Variants in SELENOI observed in about 807,000 individuals in gnomAD.
SELENOI encodes the protein ethanolaminephosphotransferase 1.
SELENOI carries 24 observed loss-of-function variants against 50.7 expected under a neutral mutation model. That is an observed-to-expected ratio of 0.47 (90% CI 0.34 to 0.67). The LOEUF (loss-of-function observed/expected upper bound fraction) is 0.67, where lower values mean the gene tolerates loss of function less well. Ranked by LOEUF, SELENOI falls within the 30% of genes least tolerant of loss-of-function variation. SELENOI has a pLI of 0.01. For synonymous variants in SELENOI, 155 were observed against 170.2 expected, an observed-to-expected ratio of 0.91 and a Z score of 0.70; for missense variants, 352 against 461.4, an observed-to-expected ratio of 0.76 and a Z score of 2.17.
chr2:26,381,983 G>T (rs1050104095), intron 6 of SELENOI, among the ~76,000 whole-genome samples: 1 of 152,188 alleles, frequency 6.6e-6, no homozygotes, highest in Non-Finnish European at 1.5e-5. Context: ...ACATCCAAAT[G>T]AAGTGCCCAG....
At chr2:26,383,507 G>A (rs1215823094) in intron 7 of SELENOI, among the ~76,000 whole-genome samples, 160 bp downstream of exon 7, 2 of 152,100 alleles carry the variant, frequency 1.3e-5, no homozygotes, top group Non-Finnish European at 2.9e-5. Context: ...TTAGGGTGTC[G>A]ATGGTGGCTA....
intron 6 of SELENOI, among the ~76,000 whole-genome samples, chr2:26,379,156 C>T (rs1368754104): frequency 5.9e-5 from 9 of 152,162 alleles, no homozygotes; most frequent in East Asian, 3.9e-4. Context: ...CCCAGCTACT[C>T]GGGAGGCTGA....
chr2:26,387,629 G>A (rs774803900), intron 9 of SELENOI, among the ~76,000 whole-genome samples: 7 of 150,048 alleles, frequency 4.7e-5, no homozygotes, highest in African/African-American at 1.5e-4. Context: ...CCAGGAGGTC[G>A]GGGCTACAGT....
chr2:26,387,420 G>A (rs1677866119), intron 9 of SELENOI, among the ~76,000 whole-genome samples: 1 of 152,110 alleles, frequency 6.6e-6, no homozygotes, highest in Non-Finnish European at 1.5e-5. Flanking sequence ...GCTGGGTGTG[G>A]TGGCTCATGC....
chr2:26,363,806 G>A (rs143228555), intron 1 of SELENOI, among the ~76,000 whole-genome samples: 2 of 151,952 alleles, frequency 1.3e-5, no homozygotes, highest in Non-Finnish European at 1.5e-5. Flanking sequence ...TTGCTTTGTC[G>A]CCCAGGCTGG....
At chr2:26,388,187 A>G (rs1677886490) in intron 9 of SELENOI, among the ~76,000 whole-genome samples, 1 of 152,206 alleles carries the variant, frequency 6.6e-6, no homozygotes, top group Admixed American at 6.5e-5. Context: ...CTGATATTTC[A>G]TCAATATATG....
In SELENOI at chr2:26,390,835, C is replaced by G. The variant is rs566839636; in HGVS notation, c.*1732C>G. ...AGTGACGGTAACTATTTTTTGTATACCTTGTTCTTTGTGATCTATAAAATT... is the reference window on the plus strand; with the variant it reads ...AGTGACGGTAACTATTTTTTGTATAGCTTGTTCTTTGTGATCTATAAAATT... On this transcript the variant is annotated 3_prime_UTR_variant, in exon 10 of 10. Coordinates refer to ENST00000260585, the MANE Select transcript of SELENOI (RefSeq NM_033505.4). The G allele has an allele frequency of 6.6e-6, 1 of 152,190 alleles. No homozygotes were observed. Among genetic ancestry groups the G allele is most frequent in the Admixed American group, 6.5e-5 (1 of 15,284 alleles). The allele number at this position is 152,190 out of a possible 1,614,324, so 9.4% of individuals were successfully genotyped here.
intron 1 of SELENOI, 69 bp from the exon 2 acceptor site, chr2:26,364,233 T>C (rs1028734581): frequency 3.5e-6 from 4 of 1,151,428 alleles, no homozygotes; most frequent in Admixed American, 2.1e-5. Context: ...TATTTTCACC[T>C]AAGAAATGTT....
chr2:26,352,411 A>G (rs1175149823), intron 1 of SELENOI, among the ~76,000 whole-genome samples: 3 of 152,228 alleles, frequency 2.0e-5, no homozygotes, highest in Non-Finnish European at 4.4e-5. Flanking sequence ...CTAAAGATAG[A>G]CGTCAAAACA....
chr2:26,383,196 C>A, intron 6 of SELENOI, 103 bp from the exon 7 acceptor site: 1 of 669,590 alleles, frequency 1.5e-6, no homozygotes. Flanking sequence ...TAAACTTGAA[C>A]CTGAAATTTT....
chr2:26,357,806 T>C (rs181346268), intron 1 of SELENOI, among the ~76,000 whole-genome samples: 6 of 152,324 alleles, frequency 3.9e-5, no homozygotes, highest in African/African-American at 9.6e-5. Context: ...GTTGCTGATA[T>C]GCTTTGGCTG....
intron 6 of SELENOI, among the ~76,000 whole-genome samples, chr2:26,382,873 A>AT (rs895859220): frequency 6.6e-6 from 1 of 152,086 alleles, no homozygotes; most frequent in Non-Finnish European, 1.5e-5. Context: ...AAGCAACAGG[A>AT]TTCCCCCTTT....
At chr2:26,380,695 T>C (rs1677672504) in intron 6 of SELENOI, among the ~76,000 whole-genome samples, 1 of 152,176 alleles carries the variant, frequency 6.6e-6, no homozygotes, top group Non-Finnish European at 1.5e-5. Flanking sequence ...TTGCTTAAAA[T>C]TACCATATTC....
intron 1 of SELENOI, among the ~76,000 whole-genome samples, chr2:26,357,027 A>T (rs1431768403): frequency 1.3e-5 from 2 of 152,100 alleles, no homozygotes; most frequent in African/African-American, 4.8e-5. Context: ...TAAAAATTAC[A>T]TATAAATACT....
intron 1 of SELENOI, 71 bp downstream of exon 1, chr2:26,346,360 C>A: frequency 6.6e-7 from 1 of 1,506,662 alleles, no homozygotes. Flanking sequence ...GCCCGCGCGG[C>A]GCGGTCCGTG....
At position 26,391,022 on chromosome 2, in the gene SELENOI, C is replaced by T. The variant is rs1037001274; in HGVS notation, c.*1919C>T. The stretch of plus-strand genomic sequence containing the variant: ...TATTTATAAAATGACAAACTTGGAC[C>T]ACAGGCTTTCTTGACCTTGTACAGT... On this transcript the variant is annotated 3_prime_UTR_variant, in exon 10 of 10. Coordinates refer to ENST00000260585, the MANE Select transcript of SELENOI (RefSeq NM_033505.4). The T allele has an allele frequency of 5.3e-5, 8 of 152,200 alleles. 1 individual carries two copies. Among genetic ancestry groups the T allele is most frequent in the African/African-American group, 1.9e-4 (8 of 41,540 alleles). The allele number at this position is 152,200 out of a possible 1,614,324, so 9.4% of individuals were successfully genotyped here.
intron 4 of SELENOI, among the ~76,000 whole-genome samples, chr2:26,371,339 G>A (rs1467325479): frequency 2.0e-5 from 3 of 151,912 alleles, no homozygotes; most frequent in South Asian, 2.1e-4. Flanking sequence ...ATCCCAGACG[G>A]GGCGGCGGGG....
rs1380143990 is a variant in SELENOI at position 26,390,245 on chromosome 2, A to G, written c.*1142A>G. The G allele has an allele frequency of 6.6e-6, 1 of 152,246 alleles. No homozygotes were observed. The highest frequency in any genetic ancestry group is 1.5e-5 in the Non-Finnish European group (1 of 67,976). The allele number at this position is 152,246 out of a possible 1,614,324, so 9.4% of individuals were successfully genotyped here. Reference sequence around the variant, plus strand: ...CAAACATAAAAATCCCTTTAATTGTAGTGTAGTTGTTCTATAAACCATATT... The same window carrying G: ...CAAACATAAAAATCCCTTTAATTGTGGTGTAGTTGTTCTATAAACCATATT... On this transcript the variant is annotated 3_prime_UTR_variant, in exon 10 of 10. Coordinates refer to ENST00000260585, the MANE Select transcript of SELENOI (RefSeq NM_033505.4).
chr2:26,384,963 T>C lies in SELENOI; in HGVS notation c.736T>C (p.Tyr246His). The change falls in exon 8 of 10, where the codon TAT becomes CAT. Residue 246 changes from tyrosine to histidine, a missense_variant. Tyr to His is a moderately conservative substitution (Grantham distance 83). Coordinates refer to ENST00000260585, the MANE Select transcript of SELENOI (RefSeq NM_033505.4). ...PMSLLNFFRS[Y>H]KNNTLKLNSV... Reference sequence around the variant, plus strand: ...TTACTTGATTTTTTTTTCCAGAAGCTATAAAAATAACACCTTGAAACTCAA... The same window carrying C: ...TTACTTGATTTTTTTTTCCAGAAGCCATAAAAATAACACCTTGAAACTCAA... 1 of 1,600,454 alleles carries C rather than the reference T, an allele frequency of 6.2e-7. No homozygotes were observed. The highest frequency in any genetic ancestry group is 8.5e-7 in the Non-Finnish European group (1 of 1,175,414).
Sources: allele counts gnomAD v4.1 joint callset (sites outside exome capture counted in the v4.1 genomes callset), GRCh38; gene constraint gnomAD v4.1.1; transcripts MANE v1.5; gene names NCBI Gene and HGNC (gene_info 2026-07-23, HGNC 2026-07-21).